The following UPRT variants were observed in gnomAD, a reference collection of about 807,000 sequenced individuals.
UPRT encodes uracil phosphoribosyltransferase homolog, also known as RP11-311P8.3.
A neutral mutation model predicts 22.6 loss-of-function variants in UPRT; 5 were observed. That is an observed-to-expected ratio of 0.22 (90% confidence interval 0.12 to 0.47). UPRT has a LOEUF of 0.47. UPRT is among the 20% of genes least tolerant of loss of function. The pLI is 0.99. For missense variants in UPRT, 181 were observed against 239.9 expected, an observed-to-expected ratio of 0.75 and a Z score of 1.62; for synonymous variants, 77 against 87.7, an observed-to-expected ratio of 0.88 and a Z score of 0.68.
chrX:75,183,187 G>A (rs1373506259), intron 4 of UPRT, among the ~76,000 whole-genome samples: 3 of 109,119 alleles, frequency 2.7e-5, no homozygotes, highest in African/African-American at 6.7e-5. Context: ...CGCACCCCAC[G>A]ACAAGCCCTG....
intron 4 of UPRT, among the ~76,000 whole-genome samples, chrX:75,255,782 G>A (rs1305844658): frequency 9.0e-6 from 1 of 111,698 alleles, no homozygotes; most frequent in Non-Finnish European, 1.9e-5. Flanking sequence ...ATTATATAAT[G>A]GTAAAAGGCC....
rs191326418 is a variant in UPRT at position 75,234,022 on chromosome X, T to C, written c.-446-57002T>C. ...GATAAAGAGGCAAGACCCATCAGTG[T>C]GCTGTATTCAGGAAACCCATCTCAC... is the stretch of plus-strand genomic sequence containing the variant. On this transcript the variant is annotated intron_variant, in intron 4 of 13. Coordinates refer to the UPRT transcript ENST00000652605. 2.7e-3 allele frequency among the ~76,000 whole-genome samples: 298 copies of C among 111,240 alleles called. 1 individual carries two copies. The highest frequency in any genetic ancestry group is 9.3e-3 in the African/African-American group (286 of 30,633).
intron 4 of UPRT, among the ~76,000 whole-genome samples, chrX:75,188,016 C>G (rs1367879517): frequency 3.6e-5 from 4 of 112,295 alleles, no homozygotes; most frequent in African/African-American, 1.3e-4. Context: ...GCCTTCTTCT[C>G]TCAGCTCGTC....
intron 4 of UPRT, among the ~76,000 whole-genome samples, chrX:75,217,464 A>G (rs191941950): frequency 2.2e-3 from 244 of 111,193 alleles, no homozygotes; most frequent in African/African-American, 7.7e-3. Context: ...ATTTGTTTGT[A>G]TCCTCTTTTA....
chrX:75,237,314 G>T (rs2082470177), intron 4 of UPRT, among the ~76,000 whole-genome samples: 1 of 111,813 alleles, frequency 8.9e-6, no homozygotes, highest in Non-Finnish European at 1.9e-5. Context: ...TGTTGGAGAG[G>T]ATGTGGAGAA....
intron 4 of UPRT, among the ~76,000 whole-genome samples, chrX:75,232,352 G>C (rs1264707397): frequency 8.9e-6 from 1 of 112,629 alleles, no homozygotes; most frequent in Non-Finnish European, 1.9e-5. Flanking sequence ...AGGCAGCAGC[G>C]AGGCTGGGGG....
rs2082752008 is a variant in UPRT, at chrX:75,303,639, G to T, written c.*128G>T. On this transcript the variant is annotated 3_prime_UTR_variant, in exon 7 of 7. Transcript: ENST00000373383. ...AAATGCTTTTTAGTTTTGGAAGTGG[G>T]TATATTTGAGGTTATATCTCATTTA... 2 of 494,291 alleles carry T rather than the reference G, an allele frequency of 4.0e-6. No individual in the cohort carries two copies. The highest frequency in any genetic ancestry group is 2.5e-5 in the African/African-American group (1 of 40,563). 40.7% of individuals were successfully genotyped at this position (494,291 alleles called of 1,213,427 possible). A position where few individuals can be genotyped will look rare whatever the true frequency, so the allele number is the denominator to read the frequency against.
At chrX:75,288,629 A>G (rs755129123) in intron 1 of UPRT, among the ~76,000 whole-genome samples, 9 of 112,220 alleles carry the variant, frequency 8.0e-5, no homozygotes. Context: ...TATACCATCC[A>G]TTTATCATAA....
At chrX:75,235,061 G>C (rs1454049824) in intron 4 of UPRT, among the ~76,000 whole-genome samples, 1 of 111,106 alleles carries the variant, frequency 9.0e-6, no homozygotes, top group Non-Finnish European at 1.9e-5. Context: ...CAGAAGAAAA[G>C]AGAGAAGAAT....
At chrX:75,301,744 T>C (rs1241797438) in intron 6 of UPRT, among the ~76,000 whole-genome samples, 1 of 111,582 alleles carries the variant, frequency 9.0e-6, no homozygotes, top group Non-Finnish European at 1.9e-5. Flanking sequence ...AGCATTAGAA[T>C]AGGGTAAAGT....
intron 4 of UPRT, among the ~76,000 whole-genome samples, chrX:75,180,649 G>C (rs1195027249): frequency 1.0e-5 from 1 of 96,615 alleles, no homozygotes; most frequent in East Asian, 3.2e-4. Context: ...AGCTAGTCCT[G>C]CTTCCTGTCT....
At chrX:75,289,924 T>C (rs1009879055) in intron 1 of UPRT, among the ~76,000 whole-genome samples, 5 of 111,338 alleles carry the variant, frequency 4.5e-5, no homozygotes, top group Non-Finnish European at 7.5e-5. Context: ...TCAAAAGCAA[T>C]TGCAGCAAAA....
chrX:75,237,765 A>G (rs2082473107), intron 4 of UPRT, among the ~76,000 whole-genome samples: 1 of 86,721 alleles, frequency 1.2e-5, no homozygotes, highest in Admixed American at 1.5e-4. Context: ...ACATGGACAC[A>G]GGAAGGGGAA....
intron 4 of UPRT, among the ~76,000 whole-genome samples, chrX:75,202,401 GAC>G (rs1172940571): frequency 9.0e-6 from 1 of 110,896 alleles, no homozygotes; most frequent in Non-Finnish European, 1.9e-5. Context: ...AGGATTTGGA[GAC>G]ACAGCCTGGA....
chrX:75,158,564 A>T (rs1308261170), intron 1 of UPRT, among the ~76,000 whole-genome samples: 1 of 111,570 alleles, frequency 9.0e-6, no homozygotes, highest in Non-Finnish European at 1.9e-5. Flanking sequence ...AGCTAATGGG[A>T]TGGAGACCAA....
rs900798402 is a variant in UPRT, at chrX:75,212,266, T to A, written c.-447+44387T>A. ...GTGCCGCATGGCACTTACTCTAAAATCGATCACATAATTGGAAGTAAAACA... is the reference window on the plus strand; with the variant it reads ...GTGCCGCATGGCACTTACTCTAAAAACGATCACATAATTGGAAGTAAAACA... On this transcript the variant is annotated intron_variant, in intron 4 of 13. Transcript: ENST00000652605. 5.4e-5 allele frequency among the ~76,000 whole-genome samples: 6 copies of A among 111,734 alleles called. No individual in the cohort carries two copies. In the Admixed American group the frequency reaches 5.7e-4, roughly 11 times the overall value.
intron 4 of UPRT, among the ~76,000 whole-genome samples, chrX:75,177,601 G>A (rs778736198): frequency 8.9e-6 from 1 of 111,768 alleles, no homozygotes; most frequent in East Asian, 2.8e-4. Flanking sequence ...GGGAGGGAAA[G>A]GATCTCTAGG....
At chrX:75,296,298 G>C in intron 2 of UPRT, 44 bp from the exon 3 acceptor site, 1 of 1,155,542 alleles carries the variant, frequency 8.7e-7, no homozygotes, top group Non-Finnish European at 1.2e-6. Context: ...GCTAACAGGA[G>C]ATTCCCAGCA....
intron 3 of UPRT, among the ~76,000 whole-genome samples, chrX:75,166,440 C>T (rs993683990): frequency 4.5e-5 from 5 of 111,584 alleles, no homozygotes; most frequent in Non-Finnish European, 7.5e-5. Context: ...GGACAAACTA[C>T]GACAGCCTCC....
Sources: allele counts gnomAD v4.1 joint callset (sites outside exome capture counted in the v4.1 genomes callset), GRCh38; gene constraint gnomAD v4.1.1; transcripts MANE v1.5; gene names NCBI Gene and HGNC (gene_info 2026-07-23, HGNC 2026-07-21).